Variants in ADGRV1 observed in about 807,000 individuals in gnomAD.
ADGRV1 encodes the protein G-protein coupled receptor 98.
ADGRV1 carries 359 observed loss-of-function variants against 596.2 expected under a neutral mutation model. The ratio of observed to expected loss-of-function variants is 0.60; its 90% CI spans 0.55 to 0.66. The LOEUF (loss-of-function observed/expected upper bound fraction) is 0.66, where lower values mean the gene tolerates loss of function less well. Ranked by LOEUF, ADGRV1 falls within the 30% of genes least tolerant of loss-of-function variation. The probability of loss-of-function intolerance (pLI) is 0.00; values close to 1 mark genes in which losing one functional copy is unlikely to be tolerated. For missense variants in ADGRV1, 7,274 were observed against 7,575.6 expected (o/e 0.96, Z 1.48); for synonymous variants, 2,681 against 2,679.2 (o/e 1.00, Z -0.02).
Position 91,071,998 on chromosome 5 carries a change from G to T in ADGRV1, c.18153-449G>T, listed in dbSNP as rs1020052098. Among the ~76,000 whole-genome samples, 3 of 152,066 alleles carry T rather than the reference G, an allele frequency of 2.0e-5. No homozygotes were observed. The East Asian group carries it at 5.8e-4, about 29-fold the overall frequency. The stretch of plus-strand genomic sequence containing the variant: ...CGCCTATAATCCTTATTTTAAAGAT[G>T]AGAGACAGTTCAGAGAAGTTAAAAA... On this transcript the variant is annotated intron_variant, in intron 85 of 89. Transcript: ENST00000405460.
At chr5:90,794,305 T>C (rs1006659966) in intron 70 of ADGRV1, among the ~76,000 whole-genome samples, 2 of 152,240 alleles carry the variant, frequency 1.3e-5, no homozygotes, top group African/African-American at 4.8e-5. Context: ...GAGTGTCAAC[T>C]GTTAGCACCT....
chr5:90,568,514 T>C (rs1180038423), intron 1 of ADGRV1, among the ~76,000 whole-genome samples: 3 of 152,198 alleles, frequency 2.0e-5, no homozygotes, highest in Non-Finnish European at 4.4e-5. Flanking sequence ...TTATTGAGAC[T>C]TGGTTTAGGA....
At chr5:90,988,574 A>G (rs1457641630) in intron 85 of ADGRV1, among the ~76,000 whole-genome samples, 2 of 151,928 alleles carry the variant, frequency 1.3e-5, no homozygotes, top group Non-Finnish European at 1.5e-5. Flanking sequence ...CACTTTTCTG[A>G]GCTCCATACC....
intron 83 of ADGRV1, among the ~76,000 whole-genome samples, chr5:90,879,360 C>A (rs1392000941): frequency 6.6e-6 from 1 of 152,016 alleles, no homozygotes; most frequent in Non-Finnish European, 1.5e-5. Flanking sequence ...GTGAAATAAA[C>A]TTGAAAGGAG....
chr5:90,593,708 T>C (rs938408488), intron 1 of ADGRV1, among the ~76,000 whole-genome samples: 2 of 151,984 alleles, frequency 1.3e-5, no homozygotes, highest in African/African-American at 4.8e-5. Flanking sequence ...TGTAACCAAA[T>C]ACCACCTGTT....
chr5:90,854,087 A>G lies in ADGRV1; in HGVS notation c.17480A>G (p.Gln5827Arg), dbSNP rs1766793220. The G allele has an allele frequency of 6.3e-7, 1 of 1,585,410 alleles. No individual in the cohort carries two copies. The highest frequency in any genetic ancestry group is 8.6e-7 in the Non-Finnish European group (1 of 1,162,028). ...NKVLSLSVKG[Q>R]SSQLLTNDNE... ...GTATTATCTTTGAGTGTGAAAGGTCAGAGTTCACAACTCCTGACTAATGAC... is the reference window on the plus strand; with the variant it reads ...GTATTATCTTTGAGTGTGAAAGGTCGGAGTTCACAACTCCTGACTAATGAC... The change falls in exon 81 of 90, where the codon CAG becomes CGG. Residue 5827 changes from glutamine to arginine, a missense_variant. This residue lies in a region of ADGRV1 where 1,874 missense variants were observed against 1,970.2 expected (regional missense o/e 0.95). Coordinates refer to ENST00000405460, the MANE Select transcript of ADGRV1 (RefSeq NM_032119.4).
intron 87 of ADGRV1, among the ~76,000 whole-genome samples, chr5:91,117,573 C>T (rs1202271649): frequency 2.0e-5 from 3 of 152,118 alleles, no homozygotes; most frequent in Admixed American, 2.0e-4. Context: ...AGCAGGGATT[C>T]TATAATCAGT....
intron 85 of ADGRV1, among the ~76,000 whole-genome samples, chr5:91,002,017 G>A (rs1249920561): frequency 1.3e-5 from 2 of 152,014 alleles, no homozygotes; most frequent in Non-Finnish European, 2.9e-5. Flanking sequence ...AGCATTTTGT[G>A]TTAAAGAGAT....
chr5:90,652,646 CAT>C, intron 19 of ADGRV1, 83 bp downstream of exon 19: 1 of 860,548 alleles, frequency 1.2e-6, no homozygotes, highest in Non-Finnish European at 1.7e-6. Flanking sequence ...TAATTAGAGC[CAT>C]ATACAAAATG....
intron 81 of ADGRV1, among the ~76,000 whole-genome samples, chr5:90,854,569 C>G (rs562878240): frequency 6.6e-6 from 1 of 152,238 alleles, no homozygotes; most frequent in South Asian, 2.1e-4. Context: ...GAAACTGATG[C>G]CTTGTGTTTA....
At chr5:90,601,095 G>A (rs6867812) in intron 1 of ADGRV1, among the ~76,000 whole-genome samples, 6,233 of 152,050 alleles carry the variant, frequency 0.041, 369 homozygotes, top group African/African-American at 0.13. Flanking sequence ...ATAATTAGCC[G>A]GGCGTGGTGG....
At chr5:90,955,473 A>G (rs749021702) in intron 83 of ADGRV1, among the ~76,000 whole-genome samples, 9 of 152,114 alleles carry the variant, frequency 5.9e-5, no homozygotes, top group Non-Finnish European at 1.2e-4. Context: ...CCAACCTGAA[A>G]TAGAATGTGA....
At chr5:90,702,504 T>A (rs1748032078) in intron 34 of ADGRV1, among the ~76,000 whole-genome samples, 1 of 151,960 alleles carries the variant, frequency 6.6e-6, no homozygotes, top group Non-Finnish European at 1.5e-5. Flanking sequence ...GTTTTTAAAT[T>A]GAAATTAAGA....
At chr5:90,858,077 C>A (rs776693928) in intron 82 of ADGRV1, among the ~76,000 whole-genome samples, 26 of 152,022 alleles carry the variant, frequency 1.7e-4, no homozygotes, top group Non-Finnish European at 3.5e-4. Flanking sequence ...CACTTCTCAG[C>A]TTAGAAAGAT....
intron 83 of ADGRV1, among the ~76,000 whole-genome samples, chr5:90,962,128 T>G (rs995857897): frequency 6.6e-6 from 1 of 152,232 alleles, no homozygotes; most frequent in African/African-American, 2.4e-5. Context: ...ACATGTTAAT[T>G]ATCCTATAGT....
At chr5:90,971,868 A>G (rs1161087626) in intron 84 of ADGRV1, among the ~76,000 whole-genome samples, 1 of 152,238 alleles carries the variant, frequency 6.6e-6, no homozygotes, top group African/African-American at 2.4e-5. Flanking sequence ...CCTTAAATGT[A>G]AATGGGCTAA....
intron 83 of ADGRV1, among the ~76,000 whole-genome samples, chr5:90,944,096 T>C (rs184270075): frequency 1.4e-3 from 210 of 152,308 alleles, no homozygotes; most frequent in African/African-American, 4.8e-3. Context: ...TTAAGTCCAT[T>C]TTATTCATTT....
chr5:90,865,630 A>C (rs1768021170), intron 83 of ADGRV1, among the ~76,000 whole-genome samples: 1 of 152,178 alleles, frequency 6.6e-6, no homozygotes. Context: ...TAACTAAAAA[A>C]GTATTTTCAT....
At chr5:91,096,347 T>A (rs894386961) in intron 86 of ADGRV1, among the ~76,000 whole-genome samples, 1 of 152,226 alleles carries the variant, frequency 6.6e-6, no homozygotes, top group African/African-American at 2.4e-5. Flanking sequence ...AAAATGGCAG[T>A]TAAATTCGTG....
Sources: gnomAD v4.1 joint callset for allele counts (sites outside exome capture counted in the v4.1 genomes callset) on GRCh38, gnomAD v4.1.1 for gene constraint, gnomAD v4.1.1 regional missense constraint, MANE v1.5 for transcripts, NCBI Gene and HGNC (gene_info 2026-07-23, HGNC 2026-07-21) for gene names.